Variants in BMPER observed in about 807,000 individuals in gnomAD.
BMPER encodes the protein BMP binding endothelial regulator.
A neutral mutation model predicts 87.3 loss-of-function variants in BMPER; 45 were observed. The observed-to-expected ratio is 0.52, with a 90% CI of 0.41 to 0.66. The LOEUF (loss-of-function observed/expected upper bound fraction) is 0.66. Among genes scored for constraint, BMPER ranks in the 30% least tolerant of loss-of-function variants. The pLI is 0.00. For missense variants in BMPER, 784 were observed against 867.5 expected (o/e 0.90, Z 1.21); for synonymous variants, 326 against 316.2 (o/e 1.03, Z -0.33).
At chr7:34,094,616 A>T (rs1233234351) in intron 13 of BMPER, among the ~76,000 whole-genome samples, 1 of 152,220 alleles carries the variant, frequency 6.6e-6, no homozygotes, top group Non-Finnish European at 1.5e-5. Context: ...TTGCAGCCAG[A>T]CTGCCTGGGT....
chr7:33,956,505 A>G (rs1404787405), intron 3 of BMPER, among the ~76,000 whole-genome samples: 1 of 152,154 alleles, frequency 6.6e-6, no homozygotes, highest in African/African-American at 2.4e-5. Flanking sequence ...GTCCACTCAC[A>G]TGCAGATCTT....
chr7:33,961,234 C>G (rs1053658379), intron 3 of BMPER, among the ~76,000 whole-genome samples: 6 of 152,126 alleles, frequency 3.9e-5, no homozygotes, highest in Non-Finnish European at 8.8e-5. Flanking sequence ...GAGTTGAGGC[C>G]AGGCCCGGGA....
At chr7:34,118,590 TC>T (rs1331992310) in intron 13 of BMPER, among the ~76,000 whole-genome samples, 1 of 152,166 alleles carries the variant, frequency 6.6e-6, no homozygotes, top group Non-Finnish European at 1.5e-5. Flanking sequence ...AGGAAAATTT[TC>T]TGGACGGTGG....
rs137888705 is a variant in BMPER at position 33,927,707 on chromosome 7, C to T, written c.220-9582C>T. On this transcript the variant is annotated intron_variant, in intron 2 of 14. Coordinates refer to ENST00000649409, the MANE Select transcript of BMPER (RefSeq NM_001365308.1). ...CCCACTCCCCACTCCCTCCAAAATCCCTACCAACCTGGCCAGAAGATTCTG... is the reference window on the plus strand; with the variant it reads ...CCCACTCCCCACTCCCTCCAAAATCTCTACCAACCTGGCCAGAAGATTCTG... Among the ~76,000 whole-genome samples the T allele has an allele frequency of 6.6e-5, 10 of 152,196 alleles. 1 individual carries two copies. Among genetic ancestry groups the T allele is most frequent in the African/African-American group, 2.4e-4 (10 of 41,534 alleles).
chr7:34,122,071 C>T (rs545045908), intron 13 of BMPER, among the ~76,000 whole-genome samples: 12 of 121,212 alleles, frequency 9.9e-5, no homozygotes, highest in East Asian at 2.8e-4. Context: ...TGCAGTGAGG[C>T]GTGATTATGC....
At chr7:33,998,096 G>A (rs1407537985) in intron 6 of BMPER, among the ~76,000 whole-genome samples, 1 of 152,148 alleles carries the variant, frequency 6.6e-6, no homozygotes, top group African/African-American at 2.4e-5. Context: ...GACCTAAAAT[G>A]GAACTTAGCA....
At chr7:34,129,592 GAGAGAGAGAGAGAGAGAA>G (rs1316732650) in intron 13 of BMPER, among the ~76,000 whole-genome samples, 17 of 128,968 alleles carry the variant, frequency 1.3e-4, no homozygotes, top group East Asian at 4.8e-4. Context: ...GAGAGAGAGA[GAGAGAGAGAGAGAGAGAA>G]AGAGAGAGAG....
intron 3 of BMPER, among the ~76,000 whole-genome samples, chr7:33,943,809 T>G (rs1395734845): frequency 1.3e-5 from 2 of 152,148 alleles, no homozygotes; most frequent in Non-Finnish European, 2.9e-5. Flanking sequence ...CACTGCAACA[T>G]TCACACTCCT....
At chr7:34,008,559 G>A (rs561427633) in intron 6 of BMPER, among the ~76,000 whole-genome samples, 14 of 151,790 alleles carry the variant, frequency 9.2e-5, no homozygotes, top group Non-Finnish European at 1.9e-4. Flanking sequence ...TTTGAAGGAG[G>A]CCATGTTTGG....
At chr7:34,044,872 C>T (rs563403026) in intron 6 of BMPER, among the ~76,000 whole-genome samples, 8 of 152,000 alleles carry the variant, frequency 5.3e-5, no homozygotes, top group Admixed American at 2.6e-4. Context: ...ATAAAAATGG[C>T]GAGAACAGGA....
chr7:34,085,199 T>C (rs964216985), intron 12 of BMPER, among the ~76,000 whole-genome samples: 4 of 152,212 alleles, frequency 2.6e-5, no homozygotes, highest in African/African-American at 9.6e-5. Flanking sequence ...ATGTTTTCAT[T>C]ATATCAGTGT....
Position 34,143,268 on chromosome 7 carries a change from A to G in BMPER, c.1784A>G (p.Lys595Arg). Residue 595 changes from lysine (K) to arginine (R), a missense_variant, in exon 14 of 15, where the codon AAA becomes AGA. Transcript: ENST00000649409. ...VTDMCECPVH[K>R]NCYCESFLAY... ...GACATGTGTGAATGTCCAGTCCATA[A>G]AAACTGTTATTGCGAGTCATTTTTG... The G allele has an allele frequency of 1.2e-6, 2 of 1,614,094 alleles. No homozygotes were observed. Among genetic ancestry groups the G allele is most frequent in the Non-Finnish European group, 1.7e-6 (2 of 1,179,968 alleles).
intron 13 of BMPER, among the ~76,000 whole-genome samples, chr7:34,127,646 C>T (rs1046940362): frequency 6.6e-6 from 1 of 152,204 alleles, no homozygotes; most frequent in Admixed American, 6.5e-5. Flanking sequence ...GCTTCTTCTG[C>T]ATCCCTCTAA....
intron 5 of BMPER, among the ~76,000 whole-genome samples, chr7:33,973,966 T>A (rs1785615227): frequency 6.6e-6 from 1 of 152,098 alleles, no homozygotes; most frequent in Non-Finnish European, 1.5e-5. Flanking sequence ...TTGGTCCTAT[T>A]ATTAGCTCAA....
At chr7:33,949,653 T>C (rs1253786534) in intron 3 of BMPER, among the ~76,000 whole-genome samples, 1 of 152,176 alleles carries the variant, frequency 6.6e-6, no homozygotes. Flanking sequence ...CACATGCTTC[T>C]TGATGAAAGT....
Position 33,981,130 on chromosome 7 carries a change from C to T in BMPER, c.576+6346C>T, listed in dbSNP as rs993540303. Among the ~76,000 whole-genome samples, 5 of 152,202 alleles carry T rather than the reference C, an allele frequency of 3.3e-5. No homozygotes were observed. In the East Asian group the frequency reaches 9.6e-4, roughly 29 times the overall value. On this transcript the variant is annotated intron_variant, in intron 6 of 14. Transcript: ENST00000649409. ...CTCTGGCCTTCAGACAGAACCTCTC[C>T]ATCCTTGCTACACAAAGGGAGGACT...
intron 3 of BMPER, among the ~76,000 whole-genome samples, chr7:33,946,759 T>A (rs146972953): frequency 1.2e-4 from 18 of 152,290 alleles, no homozygotes; most frequent in Admixed American, 2.6e-4. Context: ...GGTAGGAGAG[T>A]ACATCTGCTT....
In BMPER at chr7:33,921,258, C is replaced by T. The variant is rs138261467; in HGVS notation, c.219+14355C>T. On this transcript the variant is annotated intron_variant, in intron 2 of 14. Transcript: ENST00000649409. Reference sequence around the variant, plus strand: ...AACTTTAATCTTAATAGCTATTTTGCGAACAAACAGTGTATTCATAAGCTG... The same window carrying T: ...AACTTTAATCTTAATAGCTATTTTGTGAACAAACAGTGTATTCATAAGCTG... 9.4e-3 allele frequency among the ~76,000 whole-genome samples: 1,429 copies of T among 152,234 alleles called. 16 individuals carry two copies. Among genetic ancestry groups the T allele is most frequent in the African/African-American group, 0.032 (1,343 of 41,526 alleles).
At chr7:34,070,411 G>A (rs1788706984) in intron 11 of BMPER, among the ~76,000 whole-genome samples, 1 of 152,134 alleles carries the variant, frequency 6.6e-6, no homozygotes, top group Admixed American at 6.5e-5. Context: ...AGGTTTGCTT[G>A]ATTGTCTTTT....
Sources: gnomAD v4.1 joint callset for allele counts (sites outside exome capture counted in the v4.1 genomes callset) on GRCh38, gnomAD v4.1.1 for gene constraint, MANE v1.5 for transcripts, NCBI Gene and HGNC (gene_info 2026-07-23, HGNC 2026-07-21) for gene names.